Variants in RNF169 observed in about 807,000 individuals in gnomAD.
The protein encoded by RNF169 is E3 ubiquitin-protein ligase RNF169.
In RNF169, 24 loss-of-function variants were observed where a neutral mutation model predicts 53.9. That is an observed-to-expected ratio of 0.45 (90% CI 0.32 to 0.63). RNF169 has a LOEUF of 0.63. Ranked by LOEUF, RNF169 falls within the 20% of genes least tolerant of loss-of-function variation. The pLI is 0.04. For missense variants in RNF169, 883 were observed against 906.2 expected, an observed-to-expected ratio of 0.97 and a Z score of 0.33; for synonymous variants, 396 against 363.5, an observed-to-expected ratio of 1.09 and a Z score of -1.02.
At chr11:74,806,235 G>T (rs1178833834) in intron 2 of RNF169, among the ~76,000 whole-genome samples, 4 of 152,216 alleles carry the variant, frequency 2.6e-5, no homozygotes, top group African/African-American at 7.2e-5. Context: ...ATGTGAAGCT[G>T]TTGTAGCTGT....
In RNF169 at chr11:74,835,566, C is replaced by T. The variant is rs767748133; in HGVS notation, c.963C>T (p.Ala321=). 2.5e-6 allele frequency: 4 copies of T among 1,613,976 alleles called. No homozygotes were observed. The Admixed American group carries it at 5.0e-5, about 20-fold the overall frequency. The change falls in exon 6 of 6, where the codon GCC becomes GCT. Residue 321 remains alanine, a synonymous_variant. Coordinates refer to ENST00000299563, the MANE Select transcript of RNF169 (RefSeq NM_001098638.2). ...TTCAGGTCACAACTATGACTCCAGCCTCCAACCCCATCATTGGTGTCCTCT... is the reference window on the plus strand; with the variant it reads ...TTCAGGTCACAACTATGACTCCAGCTTCCAACCCCATCATTGGTGTCCTCT... ...NKAKVTTMTP[A]SNPIIGVLLS... is the part of the protein sequence containing the mutation.
chr11:74,772,537 CTT>C (rs373248742), intron 1 of RNF169, among the ~76,000 whole-genome samples: 48 of 133,208 alleles, frequency 3.6e-4, no homozygotes, highest in Middle Eastern at 4.0e-3. Flanking sequence ...CTGTAAAGCT[CTT>C]TTTTACCCTG....
At chr11:74,774,551 C>T (rs1414756490) in intron 1 of RNF169, among the ~76,000 whole-genome samples, 1 of 152,072 alleles carries the variant, frequency 6.6e-6, no homozygotes, top group East Asian at 1.9e-4. Context: ...TGTATACCTA[C>T]CCTGGGGTAC....
intron 2 of RNF169, among the ~76,000 whole-genome samples, chr11:74,792,391 A>G (rs1355600338): frequency 6.6e-6 from 1 of 152,110 alleles, no homozygotes; most frequent in Non-Finnish European, 1.5e-5. Flanking sequence ...AGCAAAAGAC[A>G]TAGTAAGAGT....
At chr11:74,769,435 A>G (rs1050638985) in intron 1 of RNF169, among the ~76,000 whole-genome samples, 40 of 152,200 alleles carry the variant, frequency 2.6e-4, no homozygotes, top group African/African-American at 9.7e-4. Context: ...CATATCTAGT[A>G]AGGTTGAAGA....
At chr11:74,825,385 A>G (rs2036079916) in intron 4 of RNF169, among the ~76,000 whole-genome samples, 1 of 152,236 alleles carries the variant, frequency 6.6e-6, no homozygotes, top group Non-Finnish European at 1.5e-5. Flanking sequence ...AGAAATTAGA[A>G]AATACTTTGA....
At chr11:74,750,788 C>T (rs906993934) in intron 1 of RNF169, among the ~76,000 whole-genome samples, 2 of 148,188 alleles carry the variant, frequency 1.3e-5, no homozygotes, top group African/African-American at 2.5e-5. Flanking sequence ...ATTTTTAGTA[C>T]AGATGAGGTT....
At position 74,838,268 on chromosome 11, in the gene RNF169, A is replaced by G. The variant is rs2036287195; in HGVS notation, c.*1538A>G. ...CAGTGACCCATTGATCAAGGCAGAT[A>G]GTATAACTCCTTTTAAGTGTTCTCA... is the stretch of plus-strand genomic sequence containing the variant. On this transcript the variant is annotated 3_prime_UTR_variant, in exon 6 of 6. Transcript: ENST00000299563. 6.6e-6 allele frequency: 1 copy of G among 152,250 alleles called. No individual in the cohort carries two copies. Among genetic ancestry groups the G allele is most frequent in the African/African-American group, 2.4e-5 (1 of 41,468 alleles). 9.4% of individuals were successfully genotyped at this position (152,250 alleles called of 1,614,324 possible).
Position 74,748,967 on chromosome 11 carries a change from C to G in RNF169, c.87C>G (p.Asp29Glu), listed in dbSNP as rs2034837828. Reference sequence around the variant, plus strand: ...GGCGGGGCCGGCGGGGCCGCTGTGACGAGACGGCGGCAGCTAAGACTGGGG... The same window carrying G: ...GGCGGGGCCGGCGGGGCCGCTGTGAGGAGACGGCGGCAGCTAAGACTGGGG... ...LSRRGRRGRC[D>E]ETAAAKTGAP... Residue 29 changes from aspartate (D) to glutamate (E), a missense_variant, in exon 1 of 6, where the codon GAC becomes GAG. Physicochemically the swap from Asp to Glu is conservative, Grantham distance 45. Around this residue, in one of 3 missense-constraint regions of RNF169, gnomAD observed 313 missense variants for 279.9 expected, o/e 1.12. Transcript: ENST00000299563. 4.7e-6 allele frequency: 7 copies of G among 1,478,006 alleles called. No homozygotes were observed. Among genetic ancestry groups the G allele is most frequent in the Non-Finnish European group, 6.3e-6 (7 of 1,104,922 alleles). 91.6% of individuals were successfully genotyped at this position (1,478,006 alleles called of 1,614,324 possible).
At chr11:74,770,263 G>A (rs1007889341) in intron 1 of RNF169, among the ~76,000 whole-genome samples, 5 of 152,244 alleles carry the variant, frequency 3.3e-5, no homozygotes, top group African/African-American at 7.2e-5. Flanking sequence ...GAGTCTAAGC[G>A]ATAGCCATCG....
intron 2 of RNF169, among the ~76,000 whole-genome samples, chr11:74,804,807 G>A (rs147388196): frequency 3.1e-4 from 47 of 152,264 alleles, no homozygotes; most frequent in African/African-American, 1.1e-3. Flanking sequence ...GTTAAGAAAT[G>A]TGTATCTAAC....
At chr11:74,828,773 A>T (rs948351230) in intron 4 of RNF169, among the ~76,000 whole-genome samples, 1 of 152,196 alleles carries the variant, frequency 6.6e-6, no homozygotes, top group African/African-American at 2.4e-5. Flanking sequence ...TGCTGGGAGA[A>T]CTGGTTAGCC....
chr11:74,830,371 T>C (rs2036160217), intron 4 of RNF169, among the ~76,000 whole-genome samples: 1 of 152,068 alleles, frequency 6.6e-6, no homozygotes, highest in South Asian at 2.1e-4. Context: ...TAAGAAGGAT[T>C]ATAGACAAAT....
At chr11:74,780,042 T>C (rs765208733) in intron 1 of RNF169, among the ~76,000 whole-genome samples, 29 of 152,334 alleles carry the variant, frequency 1.9e-4, no homozygotes, top group Non-Finnish European at 4.1e-4. Flanking sequence ...ACTTAACATA[T>C]GTTTCATTGT....
At position 74,765,813 on chromosome 11, in the gene RNF169, AAAAAAAC is replaced by A. The variant is rs576618005; in HGVS notation, c.502+16437_502+16443del. ...GCAGCCTGGGCAACATCTCAAAAAAAAAAAAACAAAAACAAAAACAAAAAAACCCAAA... is the reference window on the plus strand; with the variant it reads ...GCAGCCTGGGCAACATCTCAAAAAAAAAAAACAAAAACAAAAAAACCCAAA... On this transcript the variant is annotated intron_variant, in intron 1 of 5. Coordinates refer to ENST00000299563, the MANE Select transcript of RNF169 (RefSeq NM_001098638.2). Among the ~76,000 whole-genome samples, 1,491 of 151,852 alleles carry A rather than the reference AAAAAAAC, an allele frequency of 9.8e-3. 26 individuals carry two copies. The highest frequency in any genetic ancestry group is 0.032 in the African/African-American group (1,329 of 41,402).
chr11:74,757,013 A>G (rs1591385201), intron 1 of RNF169, among the ~76,000 whole-genome samples: 1 of 84,384 alleles, frequency 1.2e-5, no homozygotes, highest in Non-Finnish European at 2.1e-5. Flanking sequence ...TATTTTTATT[A>G]TACTTTAAGT....
chr11:74,785,208 A>G (rs1330906725), intron 1 of RNF169, among the ~76,000 whole-genome samples: 1 of 69,106 alleles, frequency 1.4e-5, no homozygotes, highest in Non-Finnish European at 2.4e-5. Context: ...ATATATATAT[A>G]TGATATATAT....
chr11:74,775,559 C>G (rs1285960101), intron 1 of RNF169, among the ~76,000 whole-genome samples: 1 of 151,856 alleles, frequency 6.6e-6, no homozygotes, highest in African/African-American at 2.4e-5. Context: ...TCTGGTCATA[C>G]CATACTACTC....
intron 4 of RNF169, among the ~76,000 whole-genome samples, chr11:74,821,932 G>A (rs2036017046): frequency 6.6e-6 from 1 of 152,160 alleles, no homozygotes; most frequent in Admixed American, 6.5e-5. Context: ...AACCCAGAGT[G>A]TAACAAAATA....
Sources: gnomAD v4.1 joint callset for allele counts (sites outside exome capture counted in the v4.1 genomes callset) on GRCh38, gnomAD v4.1.1 for gene constraint, gnomAD v4.1.1 regional missense constraint, MANE v1.5 for transcripts, NCBI Gene and HGNC (gene_info 2026-07-23, HGNC 2026-07-21) for gene names.